The following ERO1A variants were observed in gnomAD, a reference collection of about 807,000 sequenced individuals.
ERO1A encodes the protein ERO1-like protein alpha.
Under a neutral mutation model 76.9 loss-of-function variants are expected in ERO1A, and 49 were observed. The observed-to-expected ratio is 0.64, with a 90% confidence interval of 0.51 to 0.81. ERO1A has a LOEUF of 0.81. Among genes scored for constraint, ERO1A ranks in the 30% least tolerant of loss-of-function variants. The probability of loss-of-function intolerance (pLI) is 0.00; values close to 1 mark genes in which losing one functional copy is unlikely to be tolerated. For synonymous variants in ERO1A, 174 were observed against 181.2 expected, an observed-to-expected ratio of 0.96 and a Z score of 0.32; for missense variants, 448 against 542.1, an observed-to-expected ratio of 0.83 and a Z score of 1.72.
intron 15 of ERO1A, among the ~76,000 whole-genome samples, chr14:52,644,819 A>T (rs1471933308): frequency 6.6e-6 from 1 of 152,134 alleles, no homozygotes; most frequent in Non-Finnish European, 1.5e-5. Flanking sequence ...TCTGCTCTCG[A>T]TCATGAAAAA....
At chr14:52,670,390 T>C (rs1250071068) in intron 6 of ERO1A, among the ~76,000 whole-genome samples, 1 of 152,192 alleles carries the variant, frequency 6.6e-6, no homozygotes, top group Non-Finnish European at 1.5e-5. Context: ...TTTGGTCTTT[T>C]GTTTTTTTGA....
intron 13 of ERO1A, among the ~76,000 whole-genome samples, chr14:52,650,940 G>T (rs1057140754): frequency 1.6e-4 from 24 of 152,160 alleles, no homozygotes; most frequent in African/African-American, 5.8e-4. Context: ...CCAGCTGCAC[G>T]CTGGTATTCA....
intron 4 of ERO1A, among the ~76,000 whole-genome samples, chr14:52,673,538 C>T (rs1449074045): frequency 6.6e-6 from 1 of 152,186 alleles, no homozygotes; most frequent in Admixed American, 6.5e-5. Flanking sequence ...CCAATCAATA[C>T]TACTGAGAAG....
intron 13 of ERO1A, among the ~76,000 whole-genome samples, chr14:52,649,187 G>A: frequency 6.6e-6 from 1 of 152,170 alleles, no homozygotes; most frequent in Non-Finnish European, 1.5e-5. Context: ...CAAGCATGCT[G>A]TGATTTATAT....
rs116304498 is a variant in ERO1A, at chr14:52,652,623, A to C, written c.1056-315T>G. On this transcript the variant is annotated intron_variant, in intron 12 of 15. Transcript: ENST00000395686. ...AAATCAAAATAAAAACAAAAGCAAA[A>C]TTCAATCTGAAAAGACCTACAAGCA... Among the ~76,000 whole-genome samples the C allele has an allele frequency of 2.6e-3, 392 of 152,292 alleles. 2 individuals carry two copies. Among genetic ancestry groups the C allele is most frequent in the African/African-American group, 9.1e-3 (377 of 41,570 alleles).
intron 4 of ERO1A, among the ~76,000 whole-genome samples, chr14:52,673,087 T>C (rs934269119): frequency 6.6e-6 from 1 of 152,114 alleles, no homozygotes; most frequent in African/African-American, 2.4e-5. Flanking sequence ...AGCTTTGTTA[T>C]AATGATTTTT....
At chr14:52,661,331 A>G (rs1181104788) in intron 8 of ERO1A, 27 bp from the exon 9 acceptor site, 6 of 1,417,596 alleles carry the variant, frequency 4.2e-6, no homozygotes, top group Middle Eastern at 3.7e-4. Flanking sequence ...AATGTTTATT[A>G]AAATAAATTC....
intron 2 of ERO1A, among the ~76,000 whole-genome samples, chr14:52,682,754 C>T (rs1199223709): frequency 4.0e-5 from 6 of 151,840 alleles, no homozygotes; most frequent in Admixed American, 2.0e-4. Flanking sequence ...CAAAAATTAG[C>T]GAGGCCTGGT....
Position 52,695,556 on chromosome 14 carries a change from G to A in ERO1A, c.-75C>T, listed in dbSNP as rs2041531561. On this transcript the variant is annotated 5_prime_UTR_variant, in exon 1 of 16. Coordinates refer to ENST00000395686, the MANE Select transcript of ERO1A (RefSeq NM_014584.3). ...CTCGGTCGCGGGCCGTGCGCCCTCA[G>A]ATGAAGCCCGTGCGGGCCGGCCCCA... 1 of 1,083,110 alleles carries A rather than the reference G, an allele frequency of 9.2e-7. No homozygotes were observed. Among genetic ancestry groups the A allele is most frequent in the Admixed American group, 3.8e-5 (1 of 26,142 alleles). 67.1% of individuals were successfully genotyped at this position (1,083,110 alleles called of 1,614,324 possible). A position where few individuals can be genotyped will look rare whatever the true frequency, so the allele number is the denominator to read the frequency against.
Position 52,689,218 on chromosome 14 carries a change from T to A in ERO1A, c.115-5311A>T, listed in dbSNP as rs558422913. ...ATCCACCCGCCTCAGCCTCCCAGAG[T>A]GCTGGGATTACAGGCATGAGCCACT... On this transcript the variant is annotated intron_variant, in intron 1 of 15. Transcript: ENST00000395686. 2.4e-3 allele frequency among the ~76,000 whole-genome samples: 373 copies of A among 152,294 alleles called. 2 individuals carry two copies. The highest frequency in any genetic ancestry group is 8.6e-3 in the African/African-American group (358 of 41,564).
intron 8 of ERO1A, 50 bp from the exon 9 acceptor site, chr14:52,661,354 CT>C: frequency 1.4e-6 from 2 of 1,390,034 alleles, no homozygotes; most frequent in Non-Finnish European, 1.9e-6. Flanking sequence ...TCCAGTGCCC[CT>C]TTTATAATGC....
rs556408362 is a variant in ERO1A at position 52,688,131 on chromosome 14, A to C, written c.115-4224T>G. 2.6e-5 allele frequency among the ~76,000 whole-genome samples: 4 copies of C among 152,204 alleles called. No individual in the cohort carries two copies. The South Asian group carries it at 6.2e-4, about 24-fold the overall frequency. The stretch of plus-strand genomic sequence containing the variant: ...AGCCAGGGAGGTTGAGGCTGCAGTG[A>C]GCCATAATCATGCCAATGTACTCCA... On this transcript the variant is annotated intron_variant, in intron 1 of 15. Coordinates refer to ENST00000395686, the MANE Select transcript of ERO1A (RefSeq NM_014584.3).
intron 1 of ERO1A, among the ~76,000 whole-genome samples, chr14:52,693,287 A>G (rs996817902): frequency 6.6e-6 from 1 of 152,068 alleles, no homozygotes; most frequent in African/African-American, 2.4e-5. Context: ...ACCTGCCAGC[A>G]TGGCTAGAAT....
intron 3 of ERO1A, among the ~76,000 whole-genome samples, chr14:52,678,679 T>C (rs1389417033): frequency 6.6e-6 from 1 of 152,246 alleles, no homozygotes; most frequent in Admixed American, 6.5e-5. Context: ...GCATACATTA[T>C]GTATATTACA....
chr14:52,674,704 A>T (rs1237786984), intron 4 of ERO1A, among the ~76,000 whole-genome samples: 1 of 152,230 alleles, frequency 6.6e-6, no homozygotes, highest in East Asian at 1.9e-4. Context: ...TGTTCAAAAC[A>T]GTGGTTGCCT....
intron 1 of ERO1A, among the ~76,000 whole-genome samples, chr14:52,693,386 A>G (rs2041424126): frequency 6.6e-6 from 1 of 152,134 alleles, no homozygotes; most frequent in African/African-American, 2.4e-5. Context: ...CTCAAATACC[A>G]AACTCCAAGT....
At chr14:52,652,343 T>C (rs2039900269) in intron 12 of ERO1A, 35 bp from the exon 13 acceptor site, 1 of 1,418,486 alleles carries the variant, frequency 7.0e-7, no homozygotes, top group East Asian at 2.3e-5. Flanking sequence ...CATTTTCATG[T>C]GTTATAAATA....
chr14:52,646,508 A>G (rs1046380306), intron 13 of ERO1A, 47 bp from the exon 14 acceptor site: 2 of 1,430,574 alleles, frequency 1.4e-6, no homozygotes, highest in Admixed American at 1.9e-5. Context: ...TATACAGTCA[A>G]TTAGTAAGTA....
Position 52,646,255 on chromosome 14 carries a change from TA to T in ERO1A, c.1244del (p.Leu415TyrfsTer6). ...TQGLGTALKI[L>X]FSEKLIANMP... ...TATTTGCTATCAATTTCTCAGAAAATAAGATCTTCAGAGCAGTGCCCAAACC... is the reference window on the plus strand; with the variant it reads ...TATTTGCTATCAATTTCTCAGAAAATAGATCTTCAGAGCAGTGCCCAAACC... On this transcript the variant is annotated frameshift_variant, in exon 15 of 16. Transcript: ENST00000395686. LOFTEE classifies it high-confidence loss of function. 1 of 1,613,786 alleles carries T rather than the reference TA, an allele frequency of 6.2e-7. No individual in the cohort carries two copies. Among genetic ancestry groups the T allele is most frequent in the Non-Finnish European group, 8.5e-7 (1 of 1,179,916 alleles).
Sources: gnomAD v4.1 joint callset for allele counts (sites outside exome capture counted in the v4.1 genomes callset) on GRCh38, gnomAD v4.1.1 for gene constraint, MANE v1.5 for transcripts, NCBI Gene and HGNC (gene_info 2026-07-23, HGNC 2026-07-21) for gene names.